Variants in GNG7 observed in about 807,000 individuals in gnomAD.
GNG7 encodes G protein subunit gamma 7.
In GNG7, 1 loss-of-function variant was observed where a neutral mutation model predicts 4.0. The observed-to-expected ratio is 0.25, with a 90% confidence interval of 0.09 to 1.18. GNG7 has a LOEUF of 1.18. Among genes scored for constraint, GNG7 ranks in the 50% most tolerant of loss-of-function variants. The pLI is 0.50. For synonymous variants in GNG7, 34 were observed against 36.9 expected, an observed-to-expected ratio of 0.92 and a Z score of 0.29; for missense variants, 86 against 91.9, an observed-to-expected ratio of 0.94 and a Z score of 0.26.
chr19:2,638,326 C>T (rs1472808763), intron 2 of GNG7, among the ~76,000 whole-genome samples: 1 of 147,880 alleles, frequency 6.8e-6, no homozygotes, highest in African/African-American at 2.5e-5. Context: ...CATGCCACTG[C>T]ACTCCAGCCT....
chr19:2,563,405 T>C (rs1979807317), intron 2 of GNG7, among the ~76,000 whole-genome samples: 1 of 152,196 alleles, frequency 6.6e-6, no homozygotes, highest in Non-Finnish European at 1.5e-5. Flanking sequence ...CCCGTAGTCG[T>C]GACTACCAGA....
chr19:2,667,588 G>C (rs1268287868), intron 1 of GNG7, among the ~76,000 whole-genome samples: 2 of 152,114 alleles, frequency 1.3e-5, no homozygotes, highest in African/African-American at 2.4e-5. Context: ...AGACCAGCTG[G>C]ACAACACAGT....
chr19:2,647,251 T>A (rs1982690457), intron 1 of GNG7, among the ~76,000 whole-genome samples: 1 of 151,890 alleles, frequency 6.6e-6, no homozygotes. Flanking sequence ...CCAGCCCCCA[T>A]AGGAACGTGG....
chr19:2,666,378 G>A (rs1450247894), intron 1 of GNG7, among the ~76,000 whole-genome samples: 1 of 152,048 alleles, frequency 6.6e-6, no homozygotes, highest in Non-Finnish European at 1.5e-5. Context: ...TCGCCATGTC[G>A]GCCAGGCTGG....
intron 3 of GNG7, among the ~76,000 whole-genome samples, chr19:2,523,830 T>TAAAC (rs1310810581): frequency 6.6e-6 from 1 of 152,046 alleles, no homozygotes; most frequent in Non-Finnish European, 1.5e-5. Flanking sequence ...AAGGGGCAAT[T>TAAAC]AAACAAAAAA....
chr19:2,642,550 G>GA (rs776217240), intron 2 of GNG7: 14 of 352,032 alleles, frequency 4.0e-5, no homozygotes, highest in Non-Finnish European at 6.7e-5. Context: ...ATTTTTTGTA[G>GA]AGATGGGGTT....
chr19:2,516,183 C>T (rs570532603), intron 4 of GNG7, among the ~76,000 whole-genome samples: 2 of 152,124 alleles, frequency 1.3e-5, no homozygotes, highest in South Asian at 2.1e-4. Context: ...CACCATTGCA[C>T]TCCAGCCTGG....
chr19:2,642,600 A>C, intron 2 of GNG7: 1 of 361,988 alleles, frequency 2.8e-6, no homozygotes, highest in South Asian at 2.1e-5. Context: ...TCTCAGGCTC[A>C]AACGATCCTC....
At chr19:2,605,064 G>A (rs1157530764) in intron 2 of GNG7, among the ~76,000 whole-genome samples, 4 of 152,188 alleles carry the variant, frequency 2.6e-5, no homozygotes, top group Non-Finnish European at 4.4e-5. Flanking sequence ...CCCTCTGGAG[G>A]CTCCAGGGGA....
At chr19:2,608,275 C>G (rs1441377537) in intron 2 of GNG7, among the ~76,000 whole-genome samples, 1 of 151,884 alleles carries the variant, frequency 6.6e-6, no homozygotes, top group African/African-American at 2.4e-5. Context: ...AGAGTAATAC[C>G]TGCTGCGGAG....
intron 3 of GNG7, among the ~76,000 whole-genome samples, chr19:2,543,514 C>T (rs947977261): frequency 6.6e-6 from 1 of 152,208 alleles, no homozygotes; most frequent in African/African-American, 2.4e-5. Flanking sequence ...CATGAACCCC[C>T]GCTCCCGGCC....
At chr19:2,693,623 G>T in intron 1 of GNG7, among the ~76,000 whole-genome samples, 1 of 152,102 alleles carries the variant, frequency 6.6e-6, no homozygotes, top group South Asian at 2.1e-4. Context: ...ATTCTCTGGG[G>T]TGCGGCCATC....
At chr19:2,596,209 A>T (rs1423008352) in intron 2 of GNG7, among the ~76,000 whole-genome samples, 4 of 152,036 alleles carry the variant, frequency 2.6e-5, no homozygotes, top group Non-Finnish European at 5.9e-5. Context: ...AAATACAAAA[A>T]TTAGCCGGGT....
At chr19:2,622,507 G>A (rs146010619) in intron 2 of GNG7, among the ~76,000 whole-genome samples, 39 of 152,354 alleles carry the variant, frequency 2.6e-4, no homozygotes, top group African/African-American at 8.7e-4. Flanking sequence ...AGCTGCTTCC[G>A]GGAAGGGGAA....
chr19:2,584,014 A>C (rs1336776468), intron 2 of GNG7, among the ~76,000 whole-genome samples: 1 of 152,158 alleles, frequency 6.6e-6, no homozygotes, highest in African/African-American at 2.4e-5. Context: ...GGAAGAACTA[A>C]AAGTCACCAG....
At chr19:2,604,955 C>T (rs371171016) in intron 2 of GNG7, among the ~76,000 whole-genome samples, 12 of 152,250 alleles carry the variant, frequency 7.9e-5, no homozygotes, top group African/African-American at 2.9e-4. Flanking sequence ...GGCTTGAAGC[C>T]GCTATAACAA....
chr19:2,631,936 G>A (rs1982169412), intron 2 of GNG7: 1 of 152,226 alleles, frequency 6.6e-6, no homozygotes, highest in African/African-American at 2.4e-5. Flanking sequence ...GGGGTGAAAG[G>A]ACGTTGAACC....
chr19:2,681,085 G>C (rs751575355), intron 1 of GNG7, among the ~76,000 whole-genome samples: 4 of 152,062 alleles, frequency 2.6e-5, no homozygotes, highest in Non-Finnish European at 4.4e-5. Context: ...TTGTTTCTTT[G>C]ATCCTCCTGT....
chr19:2,650,747 C>T (rs1034228093), intron 1 of GNG7, among the ~76,000 whole-genome samples: 11 of 152,232 alleles, frequency 7.2e-5, no homozygotes, highest in Non-Finnish European at 1.3e-4. Context: ...TGTCCCCCAG[C>T]GACCTTCAGC....
Sources: gnomAD v4.1 joint callset for allele counts (sites outside exome capture counted in the v4.1 genomes callset) on GRCh38, gnomAD v4.1.1 for gene constraint, MANE v1.5 for transcripts, NCBI Gene and HGNC (gene_info 2026-07-23, HGNC 2026-07-21) for gene names.